NKAIN2: variants seen among roughly 807,000 people sequenced by gnomAD.
NKAIN2 encodes sodium/potassium-transporting ATPase subunit beta-1-interacting protein 2.
In NKAIN2, 14 loss-of-function variants were observed where a neutral mutation model predicts 32.6. That is an observed-to-expected ratio of 0.43 (90% CI 0.28 to 0.67). The LOEUF is 0.67. NKAIN2 is among the 30% of genes least tolerant of loss of function. The pLI, the probability that NKAIN2 is intolerant of heterozygous loss-of-function variation, is 0.17. For missense variants in NKAIN2, 198 were observed against 258.3 expected (o/e 0.77, Z 1.60); for synonymous variants, 80 against 87.2 (o/e 0.92, Z 0.46).
chr6:124,060,760 T>C (rs564283262), intron 1 of NKAIN2, among the ~76,000 whole-genome samples: 2 of 152,282 alleles, frequency 1.3e-5, no homozygotes, highest in African/African-American at 4.8e-5. Context: ...TGTTTAATTA[T>C]AAAACTTTAA....
At chr6:124,267,481 T>TAAAAAAA (rs71541244) in intron 1 of NKAIN2, among the ~76,000 whole-genome samples, 1 of 97,724 alleles carries the variant, frequency 1.0e-5, no homozygotes, top group East Asian at 2.9e-4. Context: ...ACCATGTCTC[T>TAAAAAAA]AAAAAAAAAA....
intron 4 of NKAIN2, among the ~76,000 whole-genome samples, chr6:124,690,064 T>C (rs1345311539): frequency 6.6e-6 from 1 of 152,160 alleles, no homozygotes. Context: ...TCTTGAAATA[T>C]TGAATAATCT....
At chr6:124,276,299 CA>C (rs1795028900) in intron 1 of NKAIN2, among the ~76,000 whole-genome samples, 1 of 146,108 alleles carries the variant, frequency 6.8e-6, no homozygotes, top group Admixed American at 6.7e-5. Context: ...GGTGAACACA[CA>C]CACACACACA....
At chr6:124,171,315 C>T (rs1272984323) in intron 1 of NKAIN2, among the ~76,000 whole-genome samples, 1 of 151,908 alleles carries the variant, frequency 6.6e-6, no homozygotes, top group Non-Finnish European at 1.5e-5. Flanking sequence ...ATTTTAGGAC[C>T]TAGAGATTTT....
rs762434987 is a variant in NKAIN2 at position 123,960,168 on chromosome 6, TA to T, written c.54+155922del. Among the ~76,000 whole-genome samples, 26 of 152,132 alleles carry T rather than the reference TA, an allele frequency of 1.7e-4. No individual in the cohort carries two copies. The East Asian group carries it at 1.9e-3, about 11-fold the overall frequency. ...AATATTGGCATCTAGTTCTACTTTCTAAAAAAAATTGCCAGCCAACACTGTG... is the reference window on the plus strand; with the variant it reads ...AATATTGGCATCTAGTTCTACTTTCTAAAAAAATTGCCAGCCAACACTGTG... On this transcript the variant is annotated intron_variant, in intron 1 of 6. Coordinates refer to ENST00000368417, the MANE Select transcript of NKAIN2 (RefSeq NM_001040214.3).
intron 2 of NKAIN2, among the ~76,000 whole-genome samples, chr6:124,335,258 C>T (rs547027963): frequency 6.6e-6 from 1 of 152,160 alleles, no homozygotes; most frequent in Admixed American, 6.5e-5. Flanking sequence ...TAATCTAATA[C>T]CATACAAAAG....
chr6:124,573,089 C>G (rs935982359), intron 3 of NKAIN2, among the ~76,000 whole-genome samples: 1 of 152,168 alleles, frequency 6.6e-6, no homozygotes, highest in Non-Finnish European at 1.5e-5. Flanking sequence ...ATCCGCCCAC[C>G]CCGGCCTCCC....
In NKAIN2 at chr6:124,442,361, G is replaced by GT. The variant is rs372982324; in HGVS notation, c.273+87014_273+87015insT. 5.5e-4 allele frequency among the ~76,000 whole-genome samples: 16 copies of GT among 28,950 alleles called. No homozygotes were observed. The African/African-American group carries it at 7.2e-3, about 13-fold the overall frequency. 19.0% of individuals were successfully genotyped at this position (28,950 alleles called of 152,430 possible). A position where few individuals can be genotyped will look rare whatever the true frequency, so the allele number is the denominator to read the frequency against. ...TCAGCAGAGCTGTAAAGTCATCAATGCCCTTTTTTCTTTTTCTTATGTCCA... is the reference window on the plus strand; with the variant it reads ...TCAGCAGAGCTGTAAAGTCATCAATGTCCCTTTTTTCTTTTTCTTATGTCCA... On this transcript the variant is annotated intron_variant, in intron 3 of 6. Transcript: ENST00000368417.
chr6:124,167,571 G>A (rs143127492), intron 1 of NKAIN2, among the ~76,000 whole-genome samples: 1,949 of 152,192 alleles, frequency 0.013, 36 homozygotes, highest in South Asian at 0.041. Flanking sequence ...TAGGAGTGGC[G>A]AGAGAGGGCA....
At chr6:124,197,205 T>G (rs1319845020) in intron 1 of NKAIN2, among the ~76,000 whole-genome samples, 1 of 152,106 alleles carries the variant, frequency 6.6e-6, no homozygotes, top group Non-Finnish European at 1.5e-5. Flanking sequence ...TTTTTCTCTA[T>G]GCTAAATTCA....
chr6:124,523,303 C>G (rs938692474), intron 3 of NKAIN2, among the ~76,000 whole-genome samples: 1 of 151,696 alleles, frequency 6.6e-6, no homozygotes, highest in African/African-American at 2.4e-5. Flanking sequence ...TGGAATTTGT[C>G]CTTCCATATT....
intron 4 of NKAIN2, among the ~76,000 whole-genome samples, chr6:124,736,478 A>G (rs924533128): frequency 6.6e-6 from 1 of 151,924 alleles, no homozygotes; most frequent in African/African-American, 2.4e-5. Context: ...GCCAAATATA[A>G]CTTCCATAGC....
At chr6:124,403,273 T>C (rs554904842) in intron 3 of NKAIN2, among the ~76,000 whole-genome samples, 14 of 151,646 alleles carry the variant, frequency 9.2e-5, no homozygotes, top group African/African-American at 3.4e-4. Flanking sequence ...CATTTTTAAA[T>C]TATTTCTATA....
At chr6:124,222,965 A>AG (rs1355654954) in intron 1 of NKAIN2, among the ~76,000 whole-genome samples, 4 of 152,100 alleles carry the variant, frequency 2.6e-5, no homozygotes, top group Non-Finnish European at 5.9e-5. Context: ...TTTGCTTTAA[A>AG]GAGAAAGAGA....
intron 1 of NKAIN2, among the ~76,000 whole-genome samples, chr6:124,263,708 G>GTTTGTTTA (rs1194019889): frequency 7.5e-6 from 1 of 132,680 alleles, no homozygotes; most frequent in East Asian, 2.2e-4. Flanking sequence ...ATAAATGTTT[G>GTTTGTTTA]TTTGTTTGTT....
At chr6:123,870,724 C>T (rs368947507) in intron 1 of NKAIN2, among the ~76,000 whole-genome samples, 29 of 152,212 alleles carry the variant, frequency 1.9e-4, no homozygotes, top group South Asian at 1.2e-3. Context: ...GTGCCCGGTA[C>T]GATTCCTTGT....
At chr6:124,200,136 A>G (rs147846167) in intron 1 of NKAIN2, among the ~76,000 whole-genome samples, 1 of 152,278 alleles carries the variant, frequency 6.6e-6, no homozygotes, top group East Asian at 1.9e-4. Context: ...CCACAGCCAG[A>G]TGACAATGAA....
At chr6:124,119,711 C>T (rs1025842247) in intron 1 of NKAIN2, among the ~76,000 whole-genome samples, 1 of 152,144 alleles carries the variant, frequency 6.6e-6, no homozygotes, top group African/African-American at 2.4e-5. Flanking sequence ...GTAGATCTGA[C>T]TGCCCTGGGC....
chr6:124,064,173 G>A (rs957900572), intron 1 of NKAIN2, among the ~76,000 whole-genome samples: 10 of 151,862 alleles, frequency 6.6e-5, no homozygotes, highest in East Asian at 3.9e-4. Context: ...GGATGTTCTC[G>A]ATTTCCTGAC....
Sources: allele counts gnomAD v4.1 joint callset (sites outside exome capture counted in the v4.1 genomes callset), GRCh38; gene constraint gnomAD v4.1.1; transcripts MANE v1.5; gene names NCBI Gene and HGNC (gene_info 2026-07-23, HGNC 2026-07-21).